The following ERBB4 variants were observed in gnomAD, a reference collection of about 807,000 sequenced individuals.
ERBB4 encodes receptor tyrosine-protein kinase erbB-4.
In ERBB4, 42 loss-of-function variants were observed where a neutral mutation model predicts 158.0. The ratio of observed to expected loss-of-function variants is 0.27; its 90% confidence interval spans 0.21 to 0.34. The LOEUF is 0.34. ERBB4 is among the 10% of genes least tolerant of loss of function. The pLI is 1.00. For synonymous variants in ERBB4, 583 were observed against 558.7 expected, an observed-to-expected ratio of 1.04 and a Z score of -0.61; for missense variants, 1,333 against 1,624.1, an observed-to-expected ratio of 0.82 and a Z score of 3.08.
intron 3 of ERBB4, among the ~76,000 whole-genome samples, chr2:211,854,853 T>C (rs907918412): frequency 6.6e-6 from 1 of 152,164 alleles, no homozygotes; most frequent in Non-Finnish European, 1.5e-5. Flanking sequence ...TGTGTAAATT[T>C]CTTTTGAATA....
At chr2:211,690,224 A>G (rs2072750911) in intron 12 of ERBB4, among the ~76,000 whole-genome samples, 1 of 151,974 alleles carries the variant, frequency 6.6e-6, no homozygotes, top group Non-Finnish European at 1.5e-5. Flanking sequence ...TGTCTATTTT[A>G]TGATATTCCA....
chr2:211,802,106 A>C (rs1305052063), intron 3 of ERBB4, among the ~76,000 whole-genome samples: 2 of 152,140 alleles, frequency 1.3e-5, no homozygotes, highest in Non-Finnish European at 2.9e-5. Context: ...AAAAATACAA[A>C]AAATTAGCCG....
chr2:212,373,829 A>ATATATCCATG (rs2090182777), intron 1 of ERBB4, among the ~76,000 whole-genome samples: 1 of 88,632 alleles, frequency 1.1e-5, no homozygotes, highest in Non-Finnish European at 2.5e-5. Context: ...ATATCCATAT[A>ATATATCCATG]TATATATATC....
intron 17 of ERBB4, 90 bp from the exon 18 acceptor site, chr2:211,624,134 T>C (rs1159377498): frequency 1.4e-6 from 2 of 1,465,018 alleles, no homozygotes; most frequent in African/African-American, 2.0e-5. Flanking sequence ...TTTGGTTCTC[T>C]TTCTTACAAA....
intron 5 of ERBB4, among the ~76,000 whole-genome samples, chr2:211,747,380 A>G (rs561020779): frequency 1.3e-5 from 2 of 152,196 alleles, no homozygotes; most frequent in African/African-American, 4.8e-5. Flanking sequence ...AACCCAAATT[A>G]TCAAATGTCT....
chr2:212,218,236 G>A (rs1354602034), intron 1 of ERBB4, among the ~76,000 whole-genome samples: 3 of 151,124 alleles, frequency 2.0e-5, no homozygotes, highest in African/African-American at 4.8e-5. Flanking sequence ...AGTTCTGTGC[G>A]GCCTTAATGA....
intron 3 of ERBB4, among the ~76,000 whole-genome samples, chr2:211,893,426 T>C (rs1299499982): frequency 1.4e-5 from 2 of 140,792 alleles, no homozygotes; most frequent in East Asian, 2.0e-4. Context: ...GGATTAAAGA[T>C]TTAAACGTTA....
intron 1 of ERBB4, among the ~76,000 whole-genome samples, chr2:212,361,227 T>G (rs1422144076): frequency 6.6e-6 from 1 of 151,644 alleles, no homozygotes; most frequent in Non-Finnish European, 1.5e-5. Context: ...AAGCCTTCCT[T>G]AATTATTCTG....
At chr2:212,024,212 A>G (rs1432046056) in intron 2 of ERBB4, among the ~76,000 whole-genome samples, 1 of 151,914 alleles carries the variant, frequency 6.6e-6, no homozygotes, top group African/African-American at 2.4e-5. Flanking sequence ...AGAATGTATT[A>G]TCTCAGCCCA....
intron 1 of ERBB4, among the ~76,000 whole-genome samples, chr2:212,149,358 T>C (rs1448846954): frequency 6.6e-6 from 1 of 152,108 alleles, no homozygotes; most frequent in Non-Finnish European, 1.5e-5. Context: ...TCACATGTAC[T>C]CTTTTTTAAA....
At chr2:211,877,832 G>A (rs1379341003) in intron 3 of ERBB4, among the ~76,000 whole-genome samples, 1 of 152,152 alleles carries the variant, frequency 6.6e-6, no homozygotes, top group Non-Finnish European at 1.5e-5. Context: ...ATCAGGCCAG[G>A]CGAGGTGGTT....
At chr2:212,287,666 G>GA (rs971644353) in intron 1 of ERBB4, among the ~76,000 whole-genome samples, 6 of 151,622 alleles carry the variant, frequency 4.0e-5, no homozygotes, top group African/African-American at 7.3e-5. Context: ...GATATAATAT[G>GA]AAAAAAAATA....
At chr2:212,236,045 G>A (rs377653063) in intron 1 of ERBB4, among the ~76,000 whole-genome samples, 4 of 152,098 alleles carry the variant, frequency 2.6e-5, no homozygotes, top group Admixed American at 6.5e-5. Flanking sequence ...GTCTTTTGCC[G>A]GTTTTCAAAG....
At chr2:211,521,566 T>C (rs535791647) in intron 20 of ERBB4, among the ~76,000 whole-genome samples, 7 of 152,266 alleles carry the variant, frequency 4.6e-5, no homozygotes, top group Admixed American at 1.3e-4. Flanking sequence ...GCTAAGATAA[T>C]TGATGAAGGT....
intron 2 of ERBB4, among the ~76,000 whole-genome samples, chr2:212,054,228 T>C (rs1559396702): frequency 1.3e-5 from 2 of 152,138 alleles, no homozygotes; most frequent in African/African-American, 4.8e-5. Context: ...ATAGCATAAC[T>C]CCCACCTAAG....
At chr2:211,590,162 T>C (rs2068416319) in intron 19 of ERBB4, among the ~76,000 whole-genome samples, 1 of 152,140 alleles carries the variant, frequency 6.6e-6, no homozygotes, top group South Asian at 2.1e-4. Flanking sequence ...AAATTATGAC[T>C]GTGACAGTGA....
intron 4 of ERBB4, among the ~76,000 whole-genome samples, chr2:211,783,150 C>T (rs4672625): frequency 0.17 from 25,757 of 152,066 alleles, 2,420 homozygotes; most frequent in South Asian, 0.35. Flanking sequence ...GGGAGTTCAC[C>T]ATGATTTGGC....
intron 19 of ERBB4, among the ~76,000 whole-genome samples, chr2:211,598,548 T>C (rs2068706009): frequency 1.3e-5 from 2 of 152,174 alleles, no homozygotes. Flanking sequence ...TTTCAACTAG[T>C]TAGTAAACAG....
chr2:212,037,330 GA>G (rs1183389228), intron 2 of ERBB4, among the ~76,000 whole-genome samples: 3 of 152,168 alleles, frequency 2.0e-5, no homozygotes, highest in Admixed American at 6.6e-5. Flanking sequence ...ACACATCTGA[GA>G]GATGAGAATG....
Sources: allele counts gnomAD v4.1 joint callset (sites outside exome capture counted in the v4.1 genomes callset), GRCh38; gene constraint gnomAD v4.1.1; transcripts MANE v1.5; gene names NCBI Gene and HGNC (gene_info 2026-07-23, HGNC 2026-07-21).